TMED3: variants seen among roughly 807,000 people sequenced by gnomAD.
The protein encoded by TMED3 is transmembrane p24 trafficking protein 3, also known as transmembrane emp24 domain-containing protein 3.
A neutral mutation model predicts 15.0 loss-of-function variants in TMED3; 9 were observed. The observed-to-expected ratio is 0.60, with a 90% CI of 0.36 to 1.04. The LOEUF is 1.04. Among genes scored for constraint, TMED3 ranks in the 50% least tolerant of loss-of-function variants. The pLI is 0.01. For missense variants in TMED3, 267 were observed against 278.9 expected (o/e 0.96, Z 0.30); for synonymous variants, 117 against 121.4 (o/e 0.96, Z 0.24).
At chr15:79,353,049 TA>T (rs539150666) in intron 2 of TMED3, among the ~76,000 whole-genome samples, 11,220 of 99,942 alleles carry the variant, frequency 0.11, 693 homozygotes, top group Admixed American at 0.16. Flanking sequence ...ATTATATATA[TA>T]AAAAATGTAT....
chr15:79,321,743 G>A (rs999168784), intron 2 of TMED3, among the ~76,000 whole-genome samples: 1 of 152,218 alleles, frequency 6.6e-6, no homozygotes, highest in African/African-American at 2.4e-5. Flanking sequence ...TCAGGACTCA[G>A]ACTCTAACTC....
chr15:79,359,158 A>G (rs1893074770), intron 2 of TMED3, among the ~76,000 whole-genome samples: 1 of 152,160 alleles, frequency 6.6e-6, no homozygotes, highest in Non-Finnish European at 1.5e-5. Context: ...ATTGCAACTC[A>G]AAACAAAAGT....
intron 2 of TMED3, among the ~76,000 whole-genome samples, chr15:79,407,681 G>C (rs1049188560): frequency 6.6e-6 from 1 of 152,132 alleles, no homozygotes; most frequent in Non-Finnish European, 1.5e-5. Context: ...TTTATGTATT[G>C]CCTAGAGCTG....
intron 2 of TMED3, among the ~76,000 whole-genome samples, chr15:79,402,681 G>A (rs1001180201): frequency 7.2e-5 from 11 of 152,328 alleles, no homozygotes; most frequent in Non-Finnish European, 1.5e-4. Context: ...CAGCTACTTG[G>A]GAGGCTGAGG....
intron 2 of TMED3, among the ~76,000 whole-genome samples, chr15:79,318,327 G>T (rs1273484095): frequency 6.6e-6 from 1 of 152,148 alleles, no homozygotes; most frequent in Non-Finnish European, 1.5e-5. Flanking sequence ...ACTGTGTCTG[G>T]CTCTGATTCT....
chr15:79,349,754 C>T (rs1205198466), intron 2 of TMED3, among the ~76,000 whole-genome samples: 3 of 152,144 alleles, frequency 2.0e-5, no homozygotes, highest in Admixed American at 6.5e-5. Flanking sequence ...TAGAACAAGC[C>T]GCACTCATCC....
At chr15:79,413,599 G>A (rs1486039565) in exon 3 of TMED3, 1 of 152,256 alleles carries the variant, frequency 6.6e-6, no homozygotes, top group Non-Finnish European at 1.5e-5. Context: ...AGTGCTGAAG[G>A]TGTGTTCATT....
At chr15:79,335,845 GA>G (rs573033906) in intron 2 of TMED3, among the ~76,000 whole-genome samples, 17 of 152,292 alleles carry the variant, frequency 1.1e-4, no homozygotes, top group Non-Finnish European at 1.8e-4. Flanking sequence ...GACTACAAAA[GA>G]AATTACATTG....
intron 2 of TMED3, among the ~76,000 whole-genome samples, chr15:79,344,116 A>T (rs1352571255): frequency 6.6e-6 from 1 of 152,120 alleles, no homozygotes; most frequent in Non-Finnish European, 1.5e-5. Context: ...CCTCCAACTT[A>T]TAGAAGTTGA....
chr15:79,327,472 C>G (rs190661771), downstream of TMED3, among the ~76,000 whole-genome samples: 502 of 152,316 alleles, frequency 3.3e-3, no homozygotes, highest in African/African-American at 0.011. Context: ...ATAATCACCC[C>G]TGGGTTGGAA....
chr15:79,344,503 C>T (rs1403062598), intron 2 of TMED3, among the ~76,000 whole-genome samples: 3 of 152,184 alleles, frequency 2.0e-5, no homozygotes, highest in Non-Finnish European at 4.4e-5. Flanking sequence ...CACCACCAAA[C>T]CCCCAACTCC....
At chr15:79,358,699 A>T (rs897088149) in intron 2 of TMED3, among the ~76,000 whole-genome samples, 1 of 152,236 alleles carries the variant, frequency 6.6e-6, no homozygotes, top group African/African-American at 2.4e-5. Flanking sequence ...AAGAAAAAAT[A>T]CTTTCTAAGA....
chr15:79,362,223 T>C (rs1482418911), intron 2 of TMED3, among the ~76,000 whole-genome samples: 5 of 151,878 alleles, frequency 3.3e-5, no homozygotes, highest in Non-Finnish European at 7.4e-5. Context: ...TCCAGCACTT[T>C]GGGAGGCCAA....
chr15:79,354,059 T>C (rs2058908980), intron 2 of TMED3, among the ~76,000 whole-genome samples: 1 of 152,148 alleles, frequency 6.6e-6, no homozygotes, highest in Non-Finnish European at 1.5e-5. Context: ...GAAAAGAACA[T>C]AGTTGCAGGA....
At chr15:79,387,490 A>G (rs180728064) in intron 2 of TMED3, among the ~76,000 whole-genome samples, 1 of 152,118 alleles carries the variant, frequency 6.6e-6, no homozygotes, top group Admixed American at 6.5e-5. Context: ...AAGTCCTCTC[A>G]CTTTGTCACT....
At chr15:79,356,682 G>T (rs777357857) in intron 2 of TMED3, among the ~76,000 whole-genome samples, 1 of 152,158 alleles carries the variant, frequency 6.6e-6, no homozygotes, top group Non-Finnish European at 1.5e-5. Flanking sequence ...ACGCAAGGGG[G>T]TCAGAGCAGC....
intron 2 of TMED3, among the ~76,000 whole-genome samples, chr15:79,371,929 T>C (rs890865810): frequency 2.0e-5 from 3 of 152,240 alleles, no homozygotes; most frequent in African/African-American, 7.2e-5. Context: ...ACCATAATTC[T>C]ACCTTTTCTT....
At chr15:79,324,663 G>A (rs759080478), downstream of TMED3, among the ~76,000 whole-genome samples, 1 of 152,136 alleles carries the variant, frequency 6.6e-6, no homozygotes, top group Non-Finnish European at 1.5e-5. Context: ...CTTTAAAAAT[G>A]TATGAGGCTT....
chr15:79,369,238 C>G (rs965498775), intron 2 of TMED3, among the ~76,000 whole-genome samples: 10 of 152,284 alleles, frequency 6.6e-5, no homozygotes, highest in South Asian at 6.2e-4. Context: ...CAAAAGCATG[C>G]CCACTAGGAA....
Sources: gnomAD v4.1 joint callset for allele counts (sites outside exome capture counted in the v4.1 genomes callset) on GRCh38, gnomAD v4.1.1 for gene constraint, MANE v1.5 for transcripts, NCBI Gene and HGNC (gene_info 2026-07-23, HGNC 2026-07-21) for gene names.